The following SPIRE2 variants were observed in gnomAD, a reference collection of about 807,000 sequenced individuals.
SPIRE2 encodes the protein spire type actin nucleation factor 2.
Under a neutral mutation model 80.7 loss-of-function variants are expected in SPIRE2, and 76 were observed. That is an observed-to-expected ratio of 0.94 (90% CI 0.78 to 1.14). The LOEUF is 1.14. Among genes scored for constraint, SPIRE2 ranks in the 50% most tolerant of loss-of-function variants. SPIRE2 has a pLI of 0.00. For missense variants in SPIRE2, 1,196 were observed against 1,015.3 expected, an observed-to-expected ratio of 1.18 and a Z score of -2.42; for synonymous variants, 535 against 432.6, an observed-to-expected ratio of 1.24 and a Z score of -2.94.
chr16:89,868,315 C>G, intron 13 of SPIRE2, 99 bp downstream of exon 13: 12 of 1,212,522 alleles, frequency 9.9e-6, no homozygotes, highest in Non-Finnish European at 1.5e-5. Context: ...CACCAGGCAC[C>G]TCATCCATTT....
chr16:89,847,541 A>G (rs2041574360), intron 2 of SPIRE2, among the ~76,000 whole-genome samples: 1 of 152,180 alleles, frequency 6.6e-6, no homozygotes, highest in African/African-American at 2.4e-5. Context: ...CGCAGCCTGG[A>G]CTGTTTGTCT....
In SPIRE2 at chr16:89,859,067, A is replaced by G. The variant is rs1253894772; in HGVS notation, c.1273-98A>G. On this transcript the variant is annotated intron_variant, in intron 8 of 14. Transcript: ENST00000378247. Reference sequence around the variant, plus strand: ...TGGAGGCTGCCCCACATCGCAGCAGACCCTGCGGCACCCCTGGGTCCTCTG... The same window carrying G: ...TGGAGGCTGCCCCACATCGCAGCAGGCCCTGCGGCACCCCTGGGTCCTCTG... The G allele has an allele frequency of 5.2e-6, 6 of 1,146,842 alleles. No individual in the cohort carries two copies. In the East Asian group the frequency reaches 1.4e-4, roughly 26 times the overall value. The allele number at this position is 1,146,842 out of a possible 1,614,324, so 71.0% of individuals were successfully genotyped here. A position where few individuals can be genotyped will look rare whatever the true frequency, so the allele number is the denominator to read the frequency against.
chr16:89,866,682 C>T (rs1373884502), intron 12 of SPIRE2, among the ~76,000 whole-genome samples: 1 of 150,192 alleles, frequency 6.7e-6, no homozygotes, highest in East Asian at 2.0e-4. Flanking sequence ...AATCTCGGCT[C>T]ACTGCAAGCT....
At chr16:89,852,135 C>CT (rs1232696673) in intron 3 of SPIRE2, among the ~76,000 whole-genome samples, 1 of 40,500 alleles carries the variant, frequency 2.5e-5, no homozygotes, top group Non-Finnish European at 4.6e-5. Flanking sequence ...TCCATCCTCC[C>CT]CCCACCCCCC....
At position 89,856,306 on chromosome 16, in the gene SPIRE2, G is replaced by A. The variant is rs919297303; in HGVS notation, c.1102+70G>A. On this transcript the variant is annotated intron_variant, in intron 7 of 14. Transcript: ENST00000378247. ...TGGGGTTCCCCCATTCCCCTGGTCA[G>A]GTTGCACATTGGAAGGTGGCGTCTC... The A allele has an allele frequency of 1.1e-5, 16 of 1,481,418 alleles. No homozygotes were observed. In the Admixed American group the frequency reaches 1.4e-4, roughly 13 times the overall value. 91.8% of individuals were successfully genotyped at this position (1,481,418 alleles called of 1,614,324 possible). A position where few individuals can be genotyped will look rare whatever the true frequency, so the allele number is the denominator to read the frequency against.
In SPIRE2 at chr16:89,829,929, G is replaced by A. The variant is rs190840360; in HGVS notation, c.244+1135G>A. On this transcript the variant is annotated intron_variant, in intron 1 of 14. Coordinates refer to ENST00000378247, the MANE Select transcript of SPIRE2 (RefSeq NM_032451.2). Reference sequence around the variant, plus strand: ...TGGGGTGAGACGGCAGGTGCATGGGGCCCAGGAGGCTGCATGCTCACAGAG... The same window carrying A: ...TGGGGTGAGACGGCAGGTGCATGGGACCCAGGAGGCTGCATGCTCACAGAG... Among the ~76,000 whole-genome samples, 6 of 151,430 alleles carry A rather than the reference G, an allele frequency of 4.0e-5. No homozygotes were observed. The East Asian group carries it at 1.2e-3, about 29-fold the overall frequency.
chr16:89,850,221 TG>T, intron 2 of SPIRE2, 82 bp from the exon 3 acceptor site: 1 of 1,172,358 alleles, frequency 8.5e-7, no homozygotes, highest in Non-Finnish European at 1.2e-6. Flanking sequence ...GGCCGGGTGC[TG>T]GGCCCTCTGC....
At chr16:89,861,975 AG>A (rs1384234238) in intron 10 of SPIRE2, 1 of 151,284 alleles carries the variant, frequency 6.6e-6, no homozygotes, top group Non-Finnish European at 1.5e-5. Flanking sequence ...CCTATTCTCA[AG>A]GGGAGGGAGA....
At chr16:89,858,276 C>G in intron 7 of SPIRE2, 62 bp from the exon 8 acceptor site, 1 of 1,466,062 alleles carries the variant, frequency 6.8e-7, no homozygotes, top group Non-Finnish European at 9.1e-7. Flanking sequence ...ACAAAGCTGT[C>G]AGCTCCTGCC....
chr16:89,856,497 T>C (rs2143815826), intron 7 of SPIRE2, among the ~76,000 whole-genome samples: 1 of 151,920 alleles, frequency 6.6e-6, no homozygotes, highest in Non-Finnish European at 1.5e-5. Context: ...CAGGATGGAG[T>C]GCAGTGGAGC....
At chr16:89,859,023 G>A (rs532177779) in intron 8 of SPIRE2, 142 bp from the exon 9 acceptor site, 31 of 699,264 alleles carry the variant, frequency 4.4e-5, no homozygotes, top group African/African-American at 1.3e-4. Flanking sequence ...GTCCAGAGGC[G>A]GGCAGGCTGG....
At chr16:89,854,418 G>C in intron 4 of SPIRE2, 52 bp downstream of exon 4, 1 of 1,611,230 alleles carries the variant, frequency 6.2e-7, no homozygotes, top group Non-Finnish European at 8.5e-7. Context: ...AGCCTGCCAA[G>C]GGTCTCTGCC....
In SPIRE2 at chr16:89,849,001, G is replaced by T. The variant is rs1467011380; in HGVS notation, c.289-1303G>T. 4.2e-5 allele frequency among the ~76,000 whole-genome samples: 6 copies of T among 141,930 alleles called. No individual in the cohort carries two copies. In the South Asian group the frequency reaches 1.3e-3, roughly 31 times the overall value. 93.1% of individuals were successfully genotyped at this position (141,930 alleles called of 152,430 possible). On this transcript the variant is annotated intron_variant, in intron 2 of 14. Coordinates refer to ENST00000378247, the MANE Select transcript of SPIRE2 (RefSeq NM_032451.2). Reference sequence around the variant, plus strand: ...GCAGGACAGACGAGGCAGGTTCCAGGGCCTTCTGTGGCGTTTCTGCAGGAC... The same window carrying T: ...GCAGGACAGACGAGGCAGGTTCCAGTGCCTTCTGTGGCGTTTCTGCAGGAC...
In SPIRE2 at chr16:89,828,973, C is replaced by CCTCCCTCCTTCT. The variant is rs1288381924; in HGVS notation, c.244+191_244+202dup. Among the ~76,000 whole-genome samples the CCTCCCTCCTTCT allele has an allele frequency of 6.6e-6, 1 of 152,232 alleles. No homozygotes were observed. Among genetic ancestry groups the CCTCCCTCCTTCT allele is most frequent in the Non-Finnish European group, 1.5e-5 (1 of 68,036 alleles). ...TCCGTCCCTCTTTCCCTCTCTCTTTCCTCCCTCCTTCTCTCCCTCCTTCCT... is the reference window on the plus strand; with the variant it reads ...TCCGTCCCTCTTTCCCTCTCTCTTTCCTCCCTCCTTCTCTCCCTCCTTCTCTCCCTCCTTCCT... On this transcript the variant is annotated intron_variant, in intron 1 of 14. Transcript: ENST00000378247. This position sits in a 1 kb window ranked among gnomAD's most constrained non-coding sequence, Gnocchi z 5.9.
At position 89,856,216 on chromosome 16, in the gene SPIRE2, G is replaced by C. The variant is rs1333961412; in HGVS notation, c.1082G>C (p.Gly361Ala). 6.3e-7 allele frequency: 1 copy of C among 1,586,480 alleles called. No individual in the cohort carries two copies. The highest frequency in any genetic ancestry group is 1.8e-5 in the Admixed American group (1 of 54,894). The change falls in exon 7 of 15, where the codon GGC becomes GCC. Residue 361 changes from glycine to alanine, a missense_variant. Transcript: ENST00000378247. ...GAGCGGAGGCTGCGCCCGGTGCGGG[G>C]CGAGGGCTGGGCTGCCCGCGGTGAG... is the stretch of plus-strand genomic sequence containing the variant. Reference protein sequence around the residue: ...KQERRLRPVRGEGWAARGFGS... With the variant: ...KQERRLRPVRAEGWAARGFGS...
At chr16:89,859,489 G>A (rs2143820266) in intron 9 of SPIRE2, 135 bp downstream of exon 9, 1 of 424,012 alleles carries the variant, frequency 2.4e-6, no homozygotes, top group East Asian at 3.6e-5. Flanking sequence ...GTGCCTGCAA[G>A]ACGGCACCAC....
rs1183972252 is a variant in SPIRE2, at chr16:89,870,090, T to C, written c.1963T>C (p.Phe655Leu). The C allele has an allele frequency of 1.2e-6, 2 of 1,613,424 alleles. No individual in the cohort carries two copies. ...ACAGTGGCAGAGCGTGGAGGAGGCG[T>C]TCCCCCACATCTACTCCCACGGCTG... ...GPQWQSVEEAFPHIYSHGCVL... is the reference protein window; with the variant it reads ...GPQWQSVEEALPHIYSHGCVL... The change falls in exon 15 of 15, where the codon TTC becomes CTC. Residue 655 changes from phenylalanine to leucine, a missense_variant. Physicochemically the swap from Phe to Leu is conservative, Grantham distance 22. Coordinates refer to ENST00000378247, the MANE Select transcript of SPIRE2 (RefSeq NM_032451.2).
At position 89,863,941 on chromosome 16, in the gene SPIRE2, C is replaced by T. The variant is rs973576674; in HGVS notation, c.1778+80C>T. 2 of 1,062,762 alleles carry T rather than the reference C, an allele frequency of 1.9e-6. No homozygotes were observed. The highest frequency in any genetic ancestry group is 2.8e-6 in the Non-Finnish European group (2 of 708,184). 65.8% of individuals were successfully genotyped at this position (1,062,762 alleles called of 1,614,324 possible). A position where few individuals can be genotyped will look rare whatever the true frequency, so the allele number is the denominator to read the frequency against. On this transcript the variant is annotated intron_variant, in intron 12 of 14. Transcript: ENST00000378247. The surrounding 1 kb of genome is among the most constrained non-coding windows in gnomAD (Gnocchi z 4.3). ...CGGGGCAGTACCGCCCACAGAACTT[C>T]CTGTGATTCCAGGAATGTTCTAGCA...
At chr16:89,834,556 G>A (rs1461162965) in intron 1 of SPIRE2, among the ~76,000 whole-genome samples, 3 of 111,230 alleles carry the variant, frequency 2.7e-5, no homozygotes, top group Non-Finnish European at 3.8e-5. Context: ...CCGCATTCGC[G>A]GTTGGCCGTC....
Sources: gnomAD v4.1 joint callset for allele counts (sites outside exome capture counted in the v4.1 genomes callset) on GRCh38, gnomAD v4.1.1 for gene constraint, Gnocchi (gnomAD v3.1) non-coding constraint, MANE v1.5 for transcripts, NCBI Gene and HGNC (gene_info 2026-07-23, HGNC 2026-07-21) for gene names.